Variants in TENM1 observed in about 807,000 individuals in gnomAD.
TENM1 encodes teneurin-1.
A neutral mutation model predicts 174.8 loss-of-function variants in TENM1; 35 were observed. The ratio of observed to expected loss-of-function variants is 0.20; its 90% CI spans 0.15 to 0.27. TENM1 has a LOEUF of 0.27. Among genes scored for constraint, TENM1 ranks in the 10% least tolerant of loss-of-function variants. The pLI is 1.00. For missense variants in TENM1, 1,633 were observed against 2,130.1 expected (o/e 0.77, Z 4.59); for synonymous variants, 781 against 798.7 (o/e 0.98, Z 0.37).
intron 23 of TENM1, among the ~76,000 whole-genome samples, chrX:124,423,141 G>A (rs1010772747): frequency 8.9e-6 from 1 of 112,208 alleles, no homozygotes; most frequent in African/African-American, 3.2e-5. Context: ...ACAGGTTTCT[G>A]GGTGACAGAA....
chrX:124,425,995 G>GGTGTGTGTGT (rs200141105), intron 23 of TENM1, among the ~76,000 whole-genome samples: 53 of 88,022 alleles, frequency 6.0e-4, no homozygotes, highest in African/African-American at 2.2e-3. Flanking sequence ...CAAAAGGACT[G>GGTGTGTGTGT]GTGTGTGTGT....
At chrX:125,029,932 G>C in the TENM1 span, among the ~76,000 whole-genome samples, 1 of 112,073 alleles carries the variant, frequency 8.9e-6, no homozygotes, top group Non-Finnish European at 1.9e-5. Flanking sequence ...CAGGATTGAA[G>C]ATCATAATCC....
At chrX:124,700,839 C>A (rs934591313) in intron 5 of TENM1, among the ~76,000 whole-genome samples, 1 of 111,410 alleles carries the variant, frequency 9.0e-6, no homozygotes, top group Non-Finnish European at 1.9e-5. Context: ...TCCTTTCATT[C>A]TATTATTTTC....
chrX:124,602,049 A>G (rs987329341), intron 11 of TENM1, among the ~76,000 whole-genome samples: 5 of 111,259 alleles, frequency 4.5e-5, no homozygotes, highest in Admixed American at 3.8e-4. Context: ...ATAAATTACA[A>G]TAATGTTCAG....
At chrX:124,824,406 T>G (rs1383069940) in intron 3 of TENM1, among the ~76,000 whole-genome samples, 1 of 112,002 alleles carries the variant, frequency 8.9e-6, no homozygotes, top group Non-Finnish European at 1.9e-5. Context: ...CTTTATGCAC[T>G]TCATAGACAG....
At chrX:124,607,224 T>A (rs2050179944) in intron 11 of TENM1, among the ~76,000 whole-genome samples, 1 of 111,207 alleles carries the variant, frequency 9.0e-6, no homozygotes, top group African/African-American at 3.3e-5. Context: ...TATGTGTATG[T>A]GTAGGGGGTG....
chrX:124,866,410 A>G (rs1321583334), intron 3 of TENM1, among the ~76,000 whole-genome samples: 2 of 112,069 alleles, frequency 1.8e-5, no homozygotes, highest in East Asian at 2.8e-4. Flanking sequence ...CTGAATGACC[A>G]GTGGGTCAAT....
chrX:124,932,592 G>A (rs944447770), intron 1 of TENM1, among the ~76,000 whole-genome samples: 1 of 112,174 alleles, frequency 8.9e-6, no homozygotes. Flanking sequence ...CAGAAGTTGT[G>A]AAGGAAGACT....
At chrX:124,880,244 A>G (rs749605137) in intron 3 of TENM1, among the ~76,000 whole-genome samples, 6 of 111,441 alleles carry the variant, frequency 5.4e-5, no homozygotes, top group Non-Finnish European at 9.4e-5. Flanking sequence ...GTGGTCTTTC[A>G]GTGCCTTGGT....
intron 6 of TENM1, among the ~76,000 whole-genome samples, chrX:124,666,653 T>C (rs755280632): frequency 9.0e-6 from 1 of 111,594 alleles, no homozygotes; most frequent in South Asian, 3.8e-4. Flanking sequence ...CACAGACTTT[T>C]CCCCTATTGC....
At chrX:124,428,883 G>A (rs1190448740) in intron 23 of TENM1, among the ~76,000 whole-genome samples, 1 of 111,348 alleles carries the variant, frequency 9.0e-6, no homozygotes, top group African/African-American at 3.3e-5. Context: ...CACTATTATT[G>A]ACTTAATATT....
At chrX:124,408,678 T>C (rs1347394126) in intron 25 of TENM1, among the ~76,000 whole-genome samples, 1 of 110,798 alleles carries the variant, frequency 9.0e-6, no homozygotes, top group South Asian at 3.9e-4. Context: ...ACTTTTTTTT[T>C]ATTATTATAC....
At chrX:125,119,566 A>G in the TENM1 span, among the ~76,000 whole-genome samples, 5 of 110,414 alleles carry the variant, frequency 4.5e-5, no homozygotes, top group African/African-American at 1.6e-4. Context: ...TAATTCCCCA[A>G]TGTACTTATT....
At chrX:125,082,304 C>T in the TENM1 span, among the ~76,000 whole-genome samples, 1 of 110,983 alleles carries the variant, frequency 9.0e-6, no homozygotes, top group South Asian at 3.8e-4. Context: ...CTCTCTAAAA[C>T]CTCTTTTGAT....
At chrX:124,585,879 C>G (rs1462679059) in intron 11 of TENM1, among the ~76,000 whole-genome samples, 1 of 110,882 alleles carries the variant, frequency 9.0e-6, no homozygotes, top group East Asian at 2.8e-4. Context: ...CACAGAAATA[C>G]AAACTACCAT....
At chrX:124,945,639 A>T (rs1320477927) in intron 1 of TENM1, among the ~76,000 whole-genome samples, 1 of 111,265 alleles carries the variant, frequency 9.0e-6, no homozygotes, top group African/African-American at 3.3e-5. Flanking sequence ...AAGGTTTTTG[A>T]TATAAATATG....
chrX:124,934,026 A>G (rs948169691), intron 1 of TENM1, among the ~76,000 whole-genome samples: 1 of 112,155 alleles, frequency 8.9e-6, no homozygotes, highest in Non-Finnish European at 1.9e-5. Context: ...ATGTGTATCA[A>G]ATGAAATGTG....
At position 124,584,367 on chromosome X, in the gene TENM1, T is replaced by C. The variant is rs1316987643; in HGVS notation, c.2078-18807A>G. On this transcript the variant is annotated intron_variant, in intron 11 of 31. Coordinates refer to ENST00000422452, the Ensembl canonical transcript of TENM1. ...AGAAACTCTACAAGCCAGAAGAGAG[T>C]GGGGGCCAATATTCAACATTCTTAG... Among the ~76,000 whole-genome samples, 582 of 109,561 alleles carry C rather than the reference T, an allele frequency of 5.3e-3. 7 individuals are homozygous for C. Among genetic ancestry groups the C allele is most frequent in the African/African-American group, 0.018 (540 of 29,357 alleles).
At chrX:124,583,182 T>C (rs1457910357) in intron 11 of TENM1, among the ~76,000 whole-genome samples, 1 of 111,339 alleles carries the variant, frequency 9.0e-6, no homozygotes, top group Non-Finnish European at 1.9e-5. Flanking sequence ...AAGAGACCAG[T>C]GGTTCTCCCA....
Sources: allele counts gnomAD v4.1 joint callset (sites outside exome capture counted in the v4.1 genomes callset), GRCh38; gene constraint gnomAD v4.1.1; transcripts MANE v1.5; gene names NCBI Gene and HGNC (gene_info 2026-07-23, HGNC 2026-07-21).